Variants in DHX15 observed in about 807,000 individuals in gnomAD.
DHX15 encodes the protein DEAH-box helicase 15.
A neutral mutation model predicts 94.4 loss-of-function variants in DHX15; 11 were observed. The observed-to-expected ratio is 0.12, with a 90% CI of 0.07 to 0.19. The LOEUF (loss-of-function observed/expected upper bound fraction) is 0.19. Among genes scored for constraint, DHX15 ranks in the 10% least tolerant of loss-of-function variants. The pLI, the probability that DHX15 is intolerant of heterozygous loss-of-function variation, is 1.00. For missense variants in DHX15, 304 were observed against 988.5 expected, an observed-to-expected ratio of 0.31 and a Z score of 9.29; for synonymous variants, 338 against 329.9, an observed-to-expected ratio of 1.02 and a Z score of -0.27.
At chr4:24,580,070 G>A (rs1391433446) in intron 1 of DHX15, among the ~76,000 whole-genome samples, 1 of 152,014 alleles carries the variant, frequency 6.6e-6, no homozygotes, top group East Asian at 1.9e-4. Flanking sequence ...CACCAATATT[G>A]GTTATTATTA....
chr4:24,564,700 A>G (rs1289848106), intron 3 of DHX15, among the ~76,000 whole-genome samples: 1 of 152,246 alleles, frequency 6.6e-6, no homozygotes, highest in Non-Finnish European at 1.5e-5. Context: ...CTTAGCAACC[A>G]TATTACACAA....
chr4:24,530,857 C>T (rs78253819), intron 12 of DHX15: 1 of 152,248 alleles, frequency 6.6e-6, no homozygotes, highest in Non-Finnish European at 1.5e-5. Flanking sequence ...ATTTACTAAA[C>T]ACCTATTAGG....
intron 6 of DHX15, among the ~76,000 whole-genome samples, chr4:24,545,973 C>T (rs1164926198): frequency 6.6e-6 from 1 of 152,158 alleles, no homozygotes; most frequent in Non-Finnish European, 1.5e-5. Flanking sequence ...CCCTCAATAA[C>T]CTGCCTTCTA....
chr4:24,529,938 G>C, intron 12 of DHX15, 168 bp from the exon 13 acceptor site: 1 of 674,464 alleles, frequency 1.5e-6, no homozygotes, highest in Non-Finnish European at 2.5e-6. Flanking sequence ...GCTGCCTGTG[G>C]GCCAAATCCA....
intron 3 of DHX15, among the ~76,000 whole-genome samples, chr4:24,564,981 T>C (rs76873270): frequency 0.064 from 9,811 of 152,262 alleles, 390 homozygotes; most frequent in African/African-American, 0.11. Flanking sequence ...ACATTTGGTA[T>C]GTATTTCAGA....
chr4:24,555,053 A>G lies in DHX15; in HGVS notation c.862-110T>C, dbSNP rs1021932198. On this transcript the variant is annotated intron_variant, in intron 4 of 13. Coordinates refer to ENST00000336812, the MANE Select transcript of DHX15 (RefSeq NM_001358.3). Reference sequence around the variant, plus strand: ...TATATCAGCTATAAAAATGCCCATGAAAACCTTCAAATAAACTGTAAATGA... The same window carrying G: ...TATATCAGCTATAAAAATGCCCATGGAAACCTTCAAATAAACTGTAAATGA... 6.0e-6 allele frequency: 4 copies of G among 663,464 alleles called. No individual in the cohort carries two copies. In the African/African-American group the frequency reaches 7.3e-5, roughly 12 times the overall value. The allele number at this position is 663,464 out of a possible 1,614,324, so 41.1% of individuals were successfully genotyped here. A position where few individuals can be genotyped will look rare whatever the true frequency, so the allele number is the denominator to read the frequency against.
intron 11 of DHX15, chr4:24,534,245 T>G (rs913078409): frequency 2.0e-5 from 3 of 152,162 alleles, no homozygotes; most frequent in Non-Finnish European, 4.4e-5. Flanking sequence ...TTAGAGGTAA[T>G]TTTACTTATG....
chr4:24,532,178 A>C (rs1330725549), intron 12 of DHX15, among the ~76,000 whole-genome samples: 2 of 152,250 alleles, frequency 1.3e-5, no homozygotes, highest in African/African-American at 4.8e-5. Flanking sequence ...CACAGTATTT[A>C]CTTGACAAGT....
At chr4:24,541,738 C>T (rs1200131077) in intron 8 of DHX15, 135 bp downstream of exon 8, 5 of 868,402 alleles carry the variant, frequency 5.8e-6, no homozygotes, top group Non-Finnish European at 6.9e-6. Flanking sequence ...TTACACCATA[C>T]ATTTCACTCC....
intron 1 of DHX15, among the ~76,000 whole-genome samples, chr4:24,578,244 T>A (rs979814601): frequency 1.3e-5 from 2 of 152,230 alleles, no homozygotes; most frequent in African/African-American, 2.4e-5. Context: ...CTTGAGAGTC[T>A]GGACCTATCT....
chr4:24,562,903 A>G (rs1350720957), intron 3 of DHX15, among the ~76,000 whole-genome samples: 1 of 152,190 alleles, frequency 6.6e-6, no homozygotes, highest in African/African-American at 2.4e-5. Context: ...AAGCATTCCA[A>G]AAGATTGAAC....
intron 1 of DHX15, among the ~76,000 whole-genome samples, chr4:24,577,772 G>A (rs966832974): frequency 3.9e-5 from 6 of 152,118 alleles, no homozygotes; most frequent in African/African-American, 1.4e-4. Context: ...GCCTCTGGGA[G>A]ACTGGTGGTG....
intron 1 of DHX15, among the ~76,000 whole-genome samples, chr4:24,579,244 G>A (rs1307981730): frequency 6.6e-6 from 1 of 152,184 alleles, no homozygotes; most frequent in East Asian, 1.9e-4. Context: ...AAGAAAACAG[G>A]GAGGATGCAG....
At chr4:24,574,754 G>A (rs929685883) in intron 2 of DHX15, among the ~76,000 whole-genome samples, 34 of 152,084 alleles carry the variant, frequency 2.2e-4, no homozygotes, top group African/African-American at 7.0e-4. Context: ...ATAGAAAAAC[G>A]TAAATGAGCT....
rs765522759 is a variant in DHX15 at position 24,584,311 on chromosome 4, G to A, written c.71+12C>T. 9 of 1,609,786 alleles carry A rather than the reference G, an allele frequency of 5.6e-6. 1 individual carries two copies. The highest frequency in any genetic ancestry group is 5.1e-6 in the Non-Finnish European group (6 of 1,178,740). On this transcript the variant is annotated intron_variant, in intron 1 of 13. Coordinates refer to ENST00000336812, the MANE Select transcript of DHX15 (RefSeq NM_001358.3). ...GCCCGAGCTGCCGCCTCGCGCCCCC[G>A]GCCTGGCTTACCCATCGGTCCCCGC... is the stretch of plus-strand genomic sequence containing the variant.
chr4:24,567,316 T>C (rs2109007110), intron 3 of DHX15, among the ~76,000 whole-genome samples: 1 of 151,882 alleles, frequency 6.6e-6, no homozygotes, highest in African/African-American at 2.4e-5. Flanking sequence ...TGGTGGCGGC[T>C]GCCTGTAATC....
At chr4:24,570,521 G>GT (rs1722099399) in intron 3 of DHX15, 133 bp downstream of exon 3, 1 of 641,522 alleles carries the variant, frequency 1.6e-6, no homozygotes, top group Admixed American at 2.9e-5. Flanking sequence ...AGGTCATGTG[G>GT]TAAGTCTAAG....
intron 1 of DHX15, among the ~76,000 whole-genome samples, chr4:24,582,921 A>G (rs769002294): frequency 6.6e-6 from 1 of 152,204 alleles, no homozygotes; most frequent in Non-Finnish European, 1.5e-5. Context: ...TAATATCGTA[A>G]ACTAAATAAC....
rs1253405622 is a variant in DHX15 at position 24,580,491 on chromosome 4, A to G, written c.72-3813T>C. On this transcript the variant is annotated intron_variant, in intron 1 of 13. Coordinates refer to ENST00000336812, the MANE Select transcript of DHX15 (RefSeq NM_001358.3). Reference sequence around the variant, plus strand: ...ACATTAACTGGTCATCAAAATCATGATATTTTAAATAAGCATTGCTTTTTT... The same window carrying G: ...ACATTAACTGGTCATCAAAATCATGGTATTTTAAATAAGCATTGCTTTTTT... Among the ~76,000 whole-genome samples the G allele has an allele frequency of 2.0e-5, 3 of 151,200 alleles. No individual in the cohort carries two copies. In the East Asian group the frequency reaches 5.9e-4, roughly 30 times the overall value.
Sources: gnomAD v4.1 joint callset for allele counts (sites outside exome capture counted in the v4.1 genomes callset) on GRCh38, gnomAD v4.1.1 for gene constraint, MANE v1.5 for transcripts, NCBI Gene and HGNC (gene_info 2026-07-23, HGNC 2026-07-21) for gene names.